NCOA2: variants seen among roughly 807,000 people sequenced by gnomAD.
NCOA2 encodes the protein nuclear receptor coactivator 2.
NCOA2 carries 21 observed loss-of-function variants against 145.1 expected under a neutral mutation model. The observed-to-expected ratio is 0.14, with a 90% CI of 0.10 to 0.21. The LOEUF is 0.21. Ranked by LOEUF, NCOA2 falls within the 10% of genes least tolerant of loss-of-function variation. The probability of loss-of-function intolerance (pLI) is 1.00; values close to 1 mark genes in which losing one functional copy is unlikely to be tolerated. For synonymous variants in NCOA2, 619 were observed against 637.5 expected, an observed-to-expected ratio of 0.97 and a Z score of 0.44; for missense variants, 1,472 against 1,837.6, an observed-to-expected ratio of 0.80 and a Z score of 3.64.
In NCOA2 at chr8:70,281,778, T is replaced by C. The variant is rs1825903313; in HGVS notation, c.-20+14966A>G. 2.6e-5 allele frequency among the ~76,000 whole-genome samples: 4 copies of C among 152,254 alleles called. No homozygotes were observed. The South Asian group carries it at 8.3e-4, about 32-fold the overall frequency. ...CCAGTTTTGAAAACACACTAAGCTT[T>C]AGAATTTCAGATCTTTACACCTGCA... On this transcript the variant is annotated intron_variant, in intron 2 of 22. Transcript: ENST00000452400.
chr8:70,319,532 T>C (rs1347971055), intron 1 of NCOA2, among the ~76,000 whole-genome samples: 2 of 124,424 alleles, frequency 1.6e-5, no homozygotes, highest in African/African-American at 7.4e-5. Context: ...ACAGAGACCC[T>C]GTCTCAAAAA....
At chr8:70,295,133 T>A (rs924874047) in intron 2 of NCOA2, among the ~76,000 whole-genome samples, 2 of 152,104 alleles carry the variant, frequency 1.3e-5, no homozygotes, top group Admixed American at 1.3e-4. Context: ...AAGAAAACTG[T>A]CATGGACACA....
chr8:70,319,188 A>C (rs1805849983), intron 1 of NCOA2, among the ~76,000 whole-genome samples: 1 of 152,126 alleles, frequency 6.6e-6, no homozygotes, highest in Admixed American at 6.5e-5. Flanking sequence ...GCATCTGTAC[A>C]TTTGTGTATG....
intron 2 of NCOA2, among the ~76,000 whole-genome samples, chr8:70,253,702 G>A (rs919121283): frequency 2.0e-5 from 3 of 152,112 alleles, no homozygotes; most frequent in Non-Finnish European, 4.4e-5. Context: ...ATATCCTCAT[G>A]AAAAAGAATA....
intron 2 of NCOA2, among the ~76,000 whole-genome samples, chr8:70,238,351 A>T (rs550341268): frequency 2.3e-4 from 35 of 152,342 alleles, no homozygotes; most frequent in African/African-American, 7.9e-4. Flanking sequence ...TGTATTATGC[A>T]TGACATTATT....
At chr8:70,277,333 T>C (rs1001170809) in intron 2 of NCOA2, among the ~76,000 whole-genome samples, 1 of 152,222 alleles carries the variant, frequency 6.6e-6, no homozygotes, top group African/African-American at 2.4e-5. Flanking sequence ...TTGCCTTTTC[T>C]GTTTTTCCAA....
intron 2 of NCOA2, among the ~76,000 whole-genome samples, chr8:70,220,365 C>A (rs1325843582): frequency 6.6e-6 from 1 of 152,104 alleles, no homozygotes; most frequent in East Asian, 1.9e-4. Context: ...TCATTGAGAG[C>A]AAACCAGTTT....
At chr8:70,126,766 T>C (rs775312736) in intron 19 of NCOA2, 47 bp downstream of exon 19, 3 of 1,504,478 alleles carry the variant, frequency 2.0e-6, no homozygotes, top group African/African-American at 1.4e-5. Context: ...TGGGGGACAC[T>C]GGGGAGAAAG....
At chr8:70,377,064 GT>G (rs11285597) in intron 1 of NCOA2, among the ~76,000 whole-genome samples, 66,369 of 146,852 alleles carry the variant, frequency 0.45, 17,532 homozygotes, top group African/African-American at 0.75. Flanking sequence ...TATACGTTGT[GT>G]TTTTTTTTTT....
rs575069857 is a variant in NCOA2 at position 70,121,748 on chromosome 8, G to A, written c.4294-357C>T. ...AATGACTCACATTTGGGACTTTGAAGTCATCTGAGAAATTCCTGACATCTT... is the reference window on the plus strand; with the variant it reads ...AATGACTCACATTTGGGACTTTGAAATCATCTGAGAAATTCCTGACATCTT... On this transcript the variant is annotated intron_variant, in intron 21 of 22. Coordinates refer to ENST00000452400, the MANE Select transcript of NCOA2 (RefSeq NM_006540.4). Among the ~76,000 whole-genome samples, 60 of 152,336 alleles carry A rather than the reference G, an allele frequency of 3.9e-4. 1 individual carries two copies. The highest frequency in any genetic ancestry group is 7.2e-4 in the Admixed American group (11 of 15,306).
At chr8:70,253,157 GAA>G (rs1823345577) in intron 2 of NCOA2, among the ~76,000 whole-genome samples, 2 of 152,152 alleles carry the variant, frequency 1.3e-5, no homozygotes, top group Admixed American at 6.5e-5. Context: ...GCAAGCATGG[GAA>G]AAGAGGGAAA....
intron 2 of NCOA2, among the ~76,000 whole-genome samples, chr8:70,239,813 T>C (rs1312213536): frequency 6.6e-6 from 1 of 151,968 alleles, no homozygotes; most frequent in Non-Finnish European, 1.5e-5. Flanking sequence ...CACAAGATAA[T>C]AAAGTTACAA....
chr8:70,128,341 C>G lies in NCOA2; in HGVS notation c.3681+92G>C. The G allele has an allele frequency of 3.7e-6, 4 of 1,071,132 alleles. No individual in the cohort carries two copies. In the Admixed American group the frequency reaches 6.2e-5, roughly 16 times the overall value. The allele number at this position is 1,071,132 out of a possible 1,614,324, so 66.4% of individuals were successfully genotyped here. ...GGGCTAGTGTGCTGATCTGGATCCA[C>G]GTCTACTAAGTTAACTTTCTTCAGA... On this transcript the variant is annotated intron_variant, in intron 18 of 22. Transcript: ENST00000452400.
At chr8:70,189,578 C>T (rs566692313) in intron 4 of NCOA2, among the ~76,000 whole-genome samples, 9 of 152,300 alleles carry the variant, frequency 5.9e-5, no homozygotes, top group Admixed American at 1.3e-4. Context: ...CAACTTCAAG[C>T]ACATGGGACG....
intron 1 of NCOA2, among the ~76,000 whole-genome samples, chr8:70,318,281 C>A (rs1011995839): frequency 1.3e-5 from 2 of 152,236 alleles, no homozygotes; most frequent in Non-Finnish European, 2.9e-5. Flanking sequence ...CCAAAATACG[C>A]CTTTCTGGCA....
At chr8:70,425,168 G>T in the NCOA2 span, among the ~76,000 whole-genome samples, 1 of 152,164 alleles carries the variant, frequency 6.6e-6, no homozygotes, top group Non-Finnish European at 1.5e-5. Context: ...TTTCTGGAAG[G>T]CATCCTTGCA....
At chr8:70,243,678 G>GTGCT (rs1247773519) in intron 2 of NCOA2, among the ~76,000 whole-genome samples, 1 of 151,542 alleles carries the variant, frequency 6.6e-6, no homozygotes, top group Non-Finnish European at 1.5e-5. Flanking sequence ...TATGGTGCTA[G>GTGCT]TGCTTTCTGG....
intron 21 of NCOA2, among the ~76,000 whole-genome samples, chr8:70,123,548 C>A (rs922392534): frequency 6.6e-6 from 1 of 150,646 alleles, no homozygotes; most frequent in African/African-American, 2.4e-5. Context: ...AACGATAACC[C>A]CCAAATAGAG....
At chr8:70,272,158 A>G (rs1393828236) in intron 2 of NCOA2, among the ~76,000 whole-genome samples, 1 of 152,250 alleles carries the variant, frequency 6.6e-6, no homozygotes, top group Non-Finnish European at 1.5e-5. Context: ...CTTGGCAGAA[A>G]CTGTGGGATC....
Sources: gnomAD v4.1 joint callset for allele counts (sites outside exome capture counted in the v4.1 genomes callset) on GRCh38, gnomAD v4.1.1 for gene constraint, MANE v1.5 for transcripts, NCBI Gene and HGNC (gene_info 2026-07-23, HGNC 2026-07-21) for gene names.